Variants in PSMA3 observed in about 807,000 individuals in gnomAD.
PSMA3 encodes the protein proteasome 20S subunit alpha 3, also known as proteasome subunit alpha type-3.
Under a neutral mutation model 40.0 loss-of-function variants are expected in PSMA3, and 8 were observed. That is an observed-to-expected ratio of 0.20 (90% confidence interval 0.12 to 0.36). The LOEUF is 0.36. PSMA3 is among the 10% of genes least tolerant of loss of function. The pLI is 1.00. For synonymous variants in PSMA3, 110 were observed against 100.0 expected (o/e 1.10, Z -0.59); for missense variants, 219 against 310.6 (o/e 0.70, Z 2.22).
intron 7 of PSMA3, among the ~76,000 whole-genome samples, 183 bp downstream of exon 7, chr14:58,263,953 A>T (rs1289305033): frequency 6.6e-6 from 1 of 152,198 alleles, no homozygotes; most frequent in Non-Finnish European, 1.5e-5. Context: ...ATGTGTTAAG[A>T]AAGTTTACGA....
chr14:58,252,038 T>C lies in PSMA3; in HGVS notation c.105-81T>C, dbSNP rs1217907350. 10 of 1,430,100 alleles carry C rather than the reference T, an allele frequency of 7.0e-6. No individual in the cohort carries two copies. In the Admixed American group the frequency reaches 1.2e-4, roughly 17 times the overall value. The allele number at this position is 1,430,100 out of a possible 1,614,324, so 88.6% of individuals were successfully genotyped here. A position where few individuals can be genotyped will look rare whatever the true frequency, so the allele number is the denominator to read the frequency against. On this transcript the variant is annotated intron_variant, in intron 2 of 10. Coordinates refer to ENST00000216455, the MANE Select transcript of PSMA3 (RefSeq NM_002788.4). ...TTTGGCATGCCTTAAATGTTACTTA[T>C]TTTGTTTTTTTGTTAAACTTAAGTT...
chr14:58,246,483 G>T (rs553847443), intron 1 of PSMA3, among the ~76,000 whole-genome samples: 1 of 152,134 alleles, frequency 6.6e-6, no homozygotes, highest in South Asian at 2.1e-4. Flanking sequence ...ACTGCAACCT[G>T]TGCCTCCCAG....
At chr14:58,259,304 CTTTT>C (rs200698615) in intron 5 of PSMA3, among the ~76,000 whole-genome samples, 25 of 151,386 alleles carry the variant, frequency 1.7e-4, no homozygotes, top group Non-Finnish European at 2.7e-4. Context: ...TTTTTCATAA[CTTTT>C]TTTTTGTTTG....
intron 8 of PSMA3, chr14:58,270,216 C>T (rs980503657): frequency 1.4e-5 from 10 of 693,468 alleles, no homozygotes; most frequent in East Asian, 7.0e-5. Context: ...CAACATTTGT[C>T]GGGAGAGTAG....
chr14:58,271,045 A>C, intron 10 of PSMA3, 47 bp downstream of exon 10: 1 of 1,453,130 alleles, frequency 6.9e-7, no homozygotes, highest in Non-Finnish European at 9.6e-7. Context: ...CAGTCAGGGA[A>C]TCACTTAGCC....
intron 8 of PSMA3, 195 bp from the exon 9 acceptor site, chr14:58,270,223 G>A (rs973715721): frequency 9.4e-6 from 7 of 741,654 alleles, no homozygotes; most frequent in Non-Finnish European, 1.4e-5. Context: ...TGTCGGGAGA[G>A]TAGATGTTTC....
At chr14:58,250,871 A>G (rs901780022) in intron 2 of PSMA3, among the ~76,000 whole-genome samples, 35 of 152,314 alleles carry the variant, frequency 2.3e-4, no homozygotes, top group African/African-American at 8.2e-4. Context: ...AAGGATCCCA[A>G]TGCTGGTATA....
chr14:58,245,729 C>T (rs1390206421), intron 1 of PSMA3, among the ~76,000 whole-genome samples: 1 of 152,146 alleles, frequency 6.6e-6, no homozygotes, highest in Admixed American at 6.5e-5. Context: ...AATACAGTTT[C>T]TAAAAGATTT....
Position 58,257,690 on chromosome 14 carries a change from A to G in PSMA3, c.229-55A>G. The G allele has an allele frequency of 4.2e-6, 6 of 1,438,808 alleles. No individual in the cohort carries two copies. The South Asian group carries it at 7.2e-5, about 17-fold the overall frequency. The allele number at this position is 1,438,808 out of a possible 1,614,324, so 89.1% of individuals were successfully genotyped here. On this transcript the variant is annotated intron_variant, in intron 3 of 10. Coordinates refer to ENST00000216455, the MANE Select transcript of PSMA3 (RefSeq NM_002788.4). ...TTTAATAAGTCTTTATTAATTGCAG[A>G]CTTTGATTTGTGATAGGAATGTGTT...
chr14:58,256,409 G>A (rs1363259870), intron 3 of PSMA3, among the ~76,000 whole-genome samples: 2 of 150,180 alleles, frequency 1.3e-5, no homozygotes, highest in Non-Finnish European at 3.0e-5. Flanking sequence ...GCTCTACTGA[G>A]CATTTCCTTT....
In PSMA3 at chr14:58,253,960, G is replaced by GT. The variant is rs1318720617; in HGVS notation, c.228+1725dup. On this transcript the variant is annotated intron_variant, in intron 3 of 10. Coordinates refer to ENST00000216455, the MANE Select transcript of PSMA3 (RefSeq NM_002788.4). ...TGTATATATACATTTTCTTTTTACT[G>GT]TTTTTTTGTTGTTGTTGTTGTACAG... Among the ~76,000 whole-genome samples, 478 of 151,998 alleles carry GT rather than the reference G, an allele frequency of 3.1e-3. 1 individual carries two copies. The highest frequency in any genetic ancestry group is 0.011 in the African/African-American group (454 of 41,484).
intron 6 of PSMA3, among the ~76,000 whole-genome samples, chr14:58,262,302 A>C (rs1890304283): frequency 6.6e-6 from 1 of 152,042 alleles, no homozygotes; most frequent in African/African-American, 2.4e-5. Flanking sequence ...CCACCTCCCC[A>C]GTTCAAGCAA....
At chr14:58,253,848 C>A (rs1289394355) in intron 3 of PSMA3, among the ~76,000 whole-genome samples, 2 of 152,226 alleles carry the variant, frequency 1.3e-5, no homozygotes, top group East Asian at 3.9e-4. Flanking sequence ...CCCGCCTTGG[C>A]CTCCCAAAGT....
At position 58,252,206 on chromosome 14, in the gene PSMA3, C is replaced by G; in HGVS notation, c.192C>G (p.Asn64Lys). The G allele has an allele frequency of 6.2e-7, 1 of 1,612,506 alleles. No individual in the cohort carries two copies. The highest frequency in any genetic ancestry group is 8.5e-7 in the Non-Finnish European group (1 of 1,179,590). ...VLSKLYEEGS[N>K]KRLFNVDRHV... ...CTAAACTTTATGAAGAAGGTTCCAA[C>G]AAAAGACTTTTTAATGTTGATCGGC... is the stretch of plus-strand genomic sequence containing the variant. The change falls in exon 3 of 11, where the codon AAC (asparagine) becomes AAG (lysine). Residue 64 changes from asparagine to lysine, a missense_variant. Transcript: ENST00000216455.
At chr14:58,248,262 C>T (rs1442715445) in intron 2 of PSMA3, among the ~76,000 whole-genome samples, 2 of 152,220 alleles carry the variant, frequency 1.3e-5, no homozygotes, top group Non-Finnish European at 2.9e-5. Flanking sequence ...CTGAGTCTCA[C>T]TCTGTCACCT....
At chr14:58,257,100 T>TC (rs1347029215) in intron 3 of PSMA3, among the ~76,000 whole-genome samples, 33 of 81,602 alleles carry the variant, frequency 4.0e-4, no homozygotes, top group African/African-American at 1.4e-3. Flanking sequence ...AGACTCTGTC[T>TC]CAAAAAAAAA....
rs112459375 is a variant in PSMA3 at position 58,270,632 on chromosome 14, TAA to T, written c.658+148_658+149del. Reference sequence around the variant, plus strand: ...GGAAAGTTCTGCTTAATAATTGACTTAAGTTGTGAACACGTTATTTTTTGAAA... The same window carrying T: ...GGAAAGTTCTGCTTAATAATTGACTTGTTGTGAACACGTTATTTTTTGAAA... On this transcript the variant is annotated intron_variant, in intron 9 of 10. Transcript: ENST00000216455. 3.5e-6 allele frequency: 5 copies of T among 1,421,736 alleles called. No individual in the cohort carries two copies. In the African/African-American group the frequency reaches 5.7e-5, roughly 16 times the overall value. 88.1% of individuals were successfully genotyped at this position (1,421,736 alleles called of 1,614,324 possible).
chr14:58,267,647 T>C (rs1349560677), intron 8 of PSMA3, 127 bp downstream of exon 8: 5 of 1,272,886 alleles, frequency 3.9e-6, no homozygotes, highest in Non-Finnish European at 5.0e-6. Context: ...AGAAGGTAAA[T>C]TTAACATTCT....
chr14:58,271,051 T>C (rs1180396159), intron 10 of PSMA3, 53 bp downstream of exon 10: 1 of 1,365,228 alleles, frequency 7.3e-7, no homozygotes, highest in East Asian at 2.4e-5. Context: ...GGGAATCACT[T>C]AGCCCAGGAG....
Sources: allele counts gnomAD v4.1 joint callset (sites outside exome capture counted in the v4.1 genomes callset), GRCh38; gene constraint gnomAD v4.1.1; transcripts MANE v1.5; gene names NCBI Gene and HGNC (gene_info 2026-07-23, HGNC 2026-07-21).